Variants in PHF24 observed in about 807,000 individuals in gnomAD.
The protein encoded by PHF24 is PHD finger protein 24, also known as Galpha inhibitory interacting protein.
In PHF24, 25 loss-of-function variants were observed where a neutral mutation model predicts 42.6. That is an observed-to-expected ratio of 0.59 (90% CI 0.43 to 0.82). PHF24 has a LOEUF of 0.82. Among genes scored for constraint, PHF24 ranks in the 40% least tolerant of loss-of-function variants. PHF24 has a pLI of 0.00. For synonymous variants in PHF24, 185 were observed against 204.8 expected (o/e 0.90, Z 0.83); for missense variants, 470 against 538.1 (o/e 0.87, Z 1.25).
the PHF24 span, among the ~76,000 whole-genome samples, chr9:34,877,768 C>G: frequency 6.6e-6 from 1 of 151,854 alleles, no homozygotes; most frequent in Non-Finnish European, 1.5e-5. Context: ...GGTACATGTG[C>G]AGAATGTGCA....
the PHF24 span, among the ~76,000 whole-genome samples, chr9:34,803,180 G>T: frequency 6.6e-6 from 1 of 152,166 alleles, no homozygotes; most frequent in African/African-American, 2.4e-5. Flanking sequence ...TGCCAATCAA[G>T]AATCACGTTC....
the PHF24 span, among the ~76,000 whole-genome samples, chr9:34,863,432 AGAGAGAG>A: frequency 6.7e-6 from 1 of 149,446 alleles, no homozygotes; most frequent in East Asian, 2.0e-4. Flanking sequence ...AGAGAGAGAG[AGAGAGAG>A]AGAGAGAGAG....
the PHF24 span, among the ~76,000 whole-genome samples, chr9:34,851,938 A>T: frequency 6.6e-6 from 1 of 152,204 alleles, no homozygotes; most frequent in Admixed American, 6.5e-5. Flanking sequence ...TTGACTATGT[A>T]CTTGCTTTTA....
chr9:34,723,333 A>C, the PHF24 span: 7 of 1,551,392 alleles, frequency 4.5e-6, no homozygotes, highest in Non-Finnish European at 5.2e-6. Context: ...GGTTGTCTGG[A>C]GTGTAGCCGG....
chr9:34,964,027 A>G (rs1039872772), intron 1 of PHF24, among the ~76,000 whole-genome samples: 3 of 152,256 alleles, frequency 2.0e-5, no homozygotes, highest in Non-Finnish European at 4.4e-5. Context: ...TCAAACCTGT[A>G]TACAAAAGAC....
the PHF24 span, among the ~76,000 whole-genome samples, chr9:34,769,226 C>A: frequency 2.0e-5 from 3 of 152,184 alleles, 1 homozygote; most frequent in Non-Finnish European, 4.4e-5. Context: ...AGTGATTTTC[C>A]TGCCTCAGCC....
the PHF24 span, among the ~76,000 whole-genome samples, chr9:34,821,461 C>T: frequency 1.3e-5 from 2 of 152,106 alleles, no homozygotes; most frequent in Admixed American, 1.3e-4. Flanking sequence ...TGATGGGTCA[C>T]AGGACAGATT....
chr9:34,666,003 G>A, the PHF24 span: 1 of 388,278 alleles, frequency 2.6e-6, no homozygotes, highest in Non-Finnish European at 4.7e-6. Context: ...AGAGGGGTCA[G>A]CGCAGCCTAA....
At chr9:34,836,025 A>G in the PHF24 span, 1 of 642,216 alleles carries the variant, frequency 1.6e-6, no homozygotes, top group South Asian at 1.5e-5. Context: ...TTCGCCGCAC[A>G]CTTCCCTCTG....
chr9:34,911,931 C>T, the PHF24 span, among the ~76,000 whole-genome samples: 8 of 152,300 alleles, frequency 5.3e-5, no homozygotes, highest in South Asian at 1.5e-3. Flanking sequence ...CTACCAATTT[C>T]GATCCAAAGG....
the PHF24 span, among the ~76,000 whole-genome samples, chr9:34,791,309 C>G: frequency 2.0e-5 from 3 of 152,196 alleles, no homozygotes; most frequent in African/African-American, 7.2e-5. Flanking sequence ...AACGATGGCA[C>G]CAGGGATTTT....
chr9:34,937,099 C>G, the PHF24 span, among the ~76,000 whole-genome samples: 1 of 151,648 alleles, frequency 6.6e-6, no homozygotes, highest in Non-Finnish European at 1.5e-5. Flanking sequence ...GCCGCCCCTA[C>G]TGGGAAGTGA....
the PHF24 span, among the ~76,000 whole-genome samples, chr9:34,927,718 G>C: frequency 6.6e-6 from 1 of 152,020 alleles, no homozygotes; most frequent in African/African-American, 2.4e-5. Flanking sequence ...TGCCCTCCTG[G>C]ATTTCTGATC....
At chr9:34,931,614 G>C in the PHF24 span, among the ~76,000 whole-genome samples, 1 of 152,078 alleles carries the variant, frequency 6.6e-6, no homozygotes, top group Non-Finnish European at 1.5e-5. Context: ...TAAGAAGTGT[G>C]TGGCCCCTCC....
chr9:34,794,995 A>T, the PHF24 span, among the ~76,000 whole-genome samples: 1 of 152,172 alleles, frequency 6.6e-6, no homozygotes. Flanking sequence ...CCCCAAATGG[A>T]ATAAATACAA....
At chr9:34,810,567 C>A in the PHF24 span, among the ~76,000 whole-genome samples, 230 of 152,238 alleles carry the variant, frequency 1.5e-3, no homozygotes, top group Non-Finnish European at 2.6e-3. Flanking sequence ...CCAGAGGGCC[C>A]CCTAGAAAAG....
At chr9:34,853,576 C>G in the PHF24 span, among the ~76,000 whole-genome samples, 1 of 151,216 alleles carries the variant, frequency 6.6e-6, no homozygotes, top group Non-Finnish European at 1.5e-5. Context: ...CGCCTGTAAT[C>G]CCAGCACTTT....
chr9:34,735,472 A>C, the PHF24 span, among the ~76,000 whole-genome samples: 1 of 151,936 alleles, frequency 6.6e-6, no homozygotes, highest in South Asian at 2.1e-4. Context: ...ATTACAAGGC[A>C]TATGAAAAAG....
At chr9:34,669,777 A>C in the PHF24 span, among the ~76,000 whole-genome samples, 1 of 152,098 alleles carries the variant, frequency 6.6e-6, no homozygotes, top group Admixed American at 6.6e-5. Context: ...AGGGAGACTA[A>C]ACCTTTGGAA....
Sources: allele counts gnomAD v4.1 joint callset (sites outside exome capture counted in the v4.1 genomes callset), GRCh38; gene constraint gnomAD v4.1.1; transcripts MANE v1.5; gene names NCBI Gene and HGNC (gene_info 2026-07-23, HGNC 2026-07-21).